The following CECR2 variants were observed in gnomAD, a reference collection of about 807,000 sequenced individuals.
CECR2 encodes the protein CECR2 histone acetyl-lysine reader.
A neutral mutation model predicts 154.5 loss-of-function variants in CECR2; 30 were observed. That is an observed-to-expected ratio of 0.19 (90% CI 0.15 to 0.26). The LOEUF (loss-of-function observed/expected upper bound fraction) is 0.26. CECR2 is among the 10% of genes least tolerant of loss of function. The pLI is 1.00. For missense variants in CECR2, 1,743 were observed against 1,829.3 expected (o/e 0.95, Z 0.86); for synonymous variants, 725 against 683.7 (o/e 1.06, Z -0.94).
chr22:17,367,895 A>G (rs1450879774), upstream of CECR2, among the ~76,000 whole-genome samples: 6 of 152,176 alleles, frequency 3.9e-5, no homozygotes, highest in Non-Finnish European at 7.3e-5. Context: ...GGGAGCAGTC[A>G]CATGTGAGCT....
rs552768382 is a variant in CECR2 at position 17,374,915 on chromosome 22, T to C, written c.126+5006T>C. ...GTTCTTTGAGGCCAAATTCTGCCTG[T>C]TTCTACCACATCGCACTGCTTCTGC... is the stretch of plus-strand genomic sequence containing the variant. On this transcript the variant is annotated intron_variant, in intron 1 of 18. Coordinates refer to ENST00000262608, the MANE Select transcript of CECR2 (RefSeq NM_001290047.2). Among the ~76,000 whole-genome samples, 4 of 152,114 alleles carry C rather than the reference T, an allele frequency of 2.6e-5. No individual in the cohort carries two copies. The South Asian group carries it at 8.3e-4, about 32-fold the overall frequency.
rs1569124058 is a variant in CECR2, at chr22:17,500,235, ATGATGTAGTTTATG to A, written c.546-395_546-382del. The stretch of plus-strand genomic sequence containing the variant: ...AAAAAAAAAAAAAAAAAAGAATTTA[ATGATGTAGTTTATG>A]AACGTTAGTATCCATCAGTTTAAGA... On this transcript the variant is annotated intron_variant, in intron 4 of 18. Transcript: ENST00000262608. Among the ~76,000 whole-genome samples the A allele has an allele frequency of 1.1e-3, 171 of 151,662 alleles. 3 individuals carry two copies. The highest frequency in any genetic ancestry group is 4.0e-3 in the African/African-American group (164 of 41,318).
intron 1 of CECR2, among the ~76,000 whole-genome samples, chr22:17,375,659 AT>A (rs1412113893): frequency 1.9e-4 from 29 of 152,022 alleles, no homozygotes; most frequent in Middle Eastern, 3.4e-3. Flanking sequence ...ATTTAAAGTG[AT>A]TTTTAAAATA....
intron 1 of CECR2, among the ~76,000 whole-genome samples, chr22:17,396,533 G>A (rs547464627): frequency 2.6e-5 from 4 of 152,102 alleles, no homozygotes; most frequent in African/African-American, 7.2e-5. Flanking sequence ...GCGACAGAGC[G>A]AGACTCTTGT....
At chr22:17,443,443 A>G (rs1468446006) in intron 1 of CECR2, among the ~76,000 whole-genome samples, 1 of 152,188 alleles carries the variant, frequency 6.6e-6, no homozygotes, top group Non-Finnish European at 1.5e-5. Context: ...CAGGAGTCTT[A>G]GAGACTCCCT....
chr22:17,538,405 C>T (rs2056469838), intron 10 of CECR2, 115 bp from the exon 11 acceptor site: 1 of 914,376 alleles, frequency 1.1e-6, no homozygotes, highest in Non-Finnish European at 1.8e-6. Flanking sequence ...CTAAACCACA[C>T]TATTAGGACT....
chr22:17,447,839 AT>A (rs1216246708), intron 1 of CECR2, among the ~76,000 whole-genome samples: 1 of 151,596 alleles, frequency 6.6e-6, no homozygotes, highest in Admixed American at 6.6e-5. Context: ...AAATGTAAAG[AT>A]TAGTTCTCTA....
At position 17,506,875 on chromosome 22, in the gene CECR2, T is replaced by C. The variant is rs571520843; in HGVS notation, c.870+1859T>C. Among the ~76,000 whole-genome samples, 123 of 152,296 alleles carry C rather than the reference T, an allele frequency of 8.1e-4. 1 individual carries two copies. The highest frequency in any genetic ancestry group is 2.9e-3 in the African/African-American group (120 of 41,566). ...TTCGCTGTGTTGGCCAGGCTGGTCT[T>C]GACTCCTGGCCACAAGTGATCCACC... On this transcript the variant is annotated intron_variant, in intron 7 of 18. Coordinates refer to ENST00000262608, the MANE Select transcript of CECR2 (RefSeq NM_001290047.2).
At chr22:17,446,510 G>A (rs1396872414) in intron 1 of CECR2, among the ~76,000 whole-genome samples, 3 of 152,150 alleles carry the variant, frequency 2.0e-5, no homozygotes, top group African/African-American at 7.2e-5. Flanking sequence ...GAGGTCAGGG[G>A]ATCGAGACCA....
rs2056765830 is a variant in CECR2, at chr22:17,555,748, C to G, written c.*2908C>G. On this transcript the variant is annotated 3_prime_UTR_variant, in exon 19 of 19. Transcript: ENST00000262608. ...TATCCTGAAAAGGTTTGCTCTCAAGCTAGAAGGACATTTCACCCTGTGGGT... is the reference window on the plus strand; with the variant it reads ...TATCCTGAAAAGGTTTGCTCTCAAGGTAGAAGGACATTTCACCCTGTGGGT... 1 of 152,098 alleles carries G rather than the reference C, an allele frequency of 6.6e-6. No homozygotes were observed. Among genetic ancestry groups the G allele is most frequent in the Admixed American group, 6.5e-5 (1 of 15,272 alleles). 9.4% of individuals were successfully genotyped at this position (152,098 alleles called of 1,614,324 possible).
chr22:17,485,186 A>G (rs1251037465), intron 2 of CECR2, among the ~76,000 whole-genome samples: 1 of 152,142 alleles, frequency 6.6e-6, no homozygotes. Context: ...GTCCTCTCCC[A>G]TCCTTCCATC....
rs1339482385 is a variant in CECR2 at position 17,499,535 on chromosome 22, A to T, written c.531A>T (p.Glu177Asp). 4 of 1,609,886 alleles carry T rather than the reference A, an allele frequency of 2.5e-6. No individual in the cohort carries two copies. In the Admixed American group the frequency reaches 6.8e-5, roughly 27 times the overall value. ...EDPVQGKSNG[E>D]LSLSRESEGQ... is the part of the protein sequence containing the mutation. The stretch of plus-strand genomic sequence containing the variant: ...CGGTGCAAGGAAAATCCAATGGAGA[A>T]CTCTCTTTGAGCAGGTATGTTCTTC... Residue 177 changes from glutamate (E) to aspartate (D), a missense_variant, in exon 4 of 19, where the codon GAA (glutamate) becomes GAT (aspartate). Glu to Asp is a conservative substitution (Grantham distance 45). Around this residue, in one of 4 missense-constraint regions of CECR2, gnomAD observed 292 missense variants for 301.2 expected, o/e 0.97. Coordinates refer to ENST00000262608, the MANE Select transcript of CECR2 (RefSeq NM_001290047.2).
chr22:17,430,058 T>C (rs1301306997), intron 1 of CECR2, among the ~76,000 whole-genome samples: 1 of 152,246 alleles, frequency 6.6e-6, no homozygotes, highest in African/African-American at 2.4e-5. Context: ...ATTCTTTATT[T>C]ACCACAGGGT....
intron 1 of CECR2, among the ~76,000 whole-genome samples, chr22:17,417,027 T>TC (rs1192611201): frequency 1.3e-5 from 2 of 152,118 alleles, no homozygotes; most frequent in East Asian, 1.9e-4. Flanking sequence ...TTCTTTTTTT[T>TC]TTTTTTTTAC....
intron 1 of CECR2, among the ~76,000 whole-genome samples, chr22:17,378,348 G>C (rs2063144964): frequency 6.6e-6 from 1 of 150,394 alleles, no homozygotes; most frequent in South Asian, 2.1e-4. Context: ...CCAGGCTGGA[G>C]TGCAGTGGCA....
chr22:17,468,418 G>A (rs1408695904), intron 1 of CECR2, among the ~76,000 whole-genome samples: 2 of 152,046 alleles, frequency 1.3e-5, no homozygotes, highest in Non-Finnish European at 2.9e-5. Flanking sequence ...GGTGGCTCAC[G>A]CCTGTAATCC....
intron 9 of CECR2, among the ~76,000 whole-genome samples, chr22:17,525,291 A>C (rs2056242224): frequency 1.0e-5 from 1 of 97,804 alleles, no homozygotes; most frequent in African/African-American, 3.6e-5. Context: ...ATCTCCAAAA[A>C]AAAAAAAAAA....
At position 17,541,847 on chromosome 22, in the gene CECR2, A is replaced by G. The variant is rs61736772; in HGVS notation, c.1893A>G (p.Ala631=). 1.2e-3 allele frequency: 1,914 copies of G among 1,613,378 alleles called. 5 individuals are homozygous for G. The highest frequency in any genetic ancestry group is 1.8e-3 in the Admixed American group (110 of 59,924). The change falls in exon 15 of 19, where the codon GCA becomes GCG. Residue 631 remains alanine, a synonymous_variant. Transcript: ENST00000262608. The stretch of plus-strand genomic sequence containing the variant: ...TGTTCAATGTGCTGCAGAGGCCAGC[A>G]GTACCAGGAACATTTGGCCCTCTGC... The part of the protein sequence containing the change: ...QAPFLNQMRP[A]VPGTFGPLRG...
chr22:17,533,445 C>T (rs1299601849), intron 9 of CECR2, among the ~76,000 whole-genome samples: 4 of 151,770 alleles, frequency 2.6e-5, no homozygotes, highest in Non-Finnish European at 4.4e-5. Flanking sequence ...GCCTAGCTAA[C>T]ATGATGAAAC....
Sources: allele counts gnomAD v4.1 joint callset (sites outside exome capture counted in the v4.1 genomes callset), GRCh38; gene constraint gnomAD v4.1.1; regional missense constraint gnomAD v4.1.1; transcripts MANE v1.5; gene names NCBI Gene and HGNC (gene_info 2026-07-23, HGNC 2026-07-21).